The following ZNF680 variants were observed in gnomAD, a reference collection of about 807,000 sequenced individuals.
ZNF680 encodes zinc finger protein 680.
ZNF680 carries 6 observed loss-of-function variants against 12.1 expected under a neutral mutation model. That is an observed-to-expected ratio of 0.49 (90% CI 0.27 to 0.98). The LOEUF (loss-of-function observed/expected upper bound fraction) is 0.98. Among genes scored for constraint, ZNF680 ranks in the 50% least tolerant of loss-of-function variants. The pLI, the probability that ZNF680 is intolerant of heterozygous loss-of-function variation, is 0.12. For missense variants in ZNF680, 561 were observed against 616.3 expected (o/e 0.91, Z 0.95); for synonymous variants, 170 against 199.3 (o/e 0.85, Z 1.24).
At chr7:64,527,035 C>T (rs1468275326) in intron 3 of ZNF680, among the ~76,000 whole-genome samples, 1 of 152,196 alleles carries the variant, frequency 6.6e-6, no homozygotes, top group Non-Finnish European at 1.5e-5. Flanking sequence ...GTCGGGAGTT[C>T]GAGGCCATCC....
rs1458079877 is a variant in ZNF680 at position 64,554,819 on chromosome 7, TAATCTC to T, written c.30+8100_30+8105del. On this transcript the variant is annotated intron_variant, in intron 1 of 3. Transcript: ENST00000309683. ...CTCGTTAAGAGTCATCACCACTCCCTAATCTCAAGTACCCAGGGACACAAACACTGC... is the reference window on the plus strand; with the variant it reads ...CTCGTTAAGAGTCATCACCACTCCCTAAGTACCCAGGGACACAAACACTGC... Among the ~76,000 whole-genome samples the T allele has an allele frequency of 5.9e-5, 9 of 152,228 alleles. No homozygotes were observed. In the East Asian group the frequency reaches 1.7e-3, roughly 29 times the overall value.
At chr7:64,516,440 G>C (rs987892954), downstream of ZNF680, among the ~76,000 whole-genome samples, 2 of 152,214 alleles carry the variant, frequency 1.3e-5, no homozygotes, top group Admixed American at 6.5e-5. Context: ...AATGGAAAAT[G>C]GGGCTTTATA....
the ZNF680 span, among the ~76,000 whole-genome samples, chr7:64,504,701 G>C: frequency 2.6e-5 from 4 of 152,138 alleles, no homozygotes; most frequent in Admixed American, 2.6e-4. Context: ...CAAAGACACA[G>C]AAAAAGGTGC....
chr7:64,507,880 T>C, the ZNF680 span, among the ~76,000 whole-genome samples: 626 of 144,060 alleles, frequency 4.3e-3, 3 homozygotes, highest in African/African-American at 0.016. Context: ...CACACACACA[T>C]TTTTTTATTT....
intron 3 of ZNF680, among the ~76,000 whole-genome samples, chr7:64,541,985 C>T (rs1009590780): frequency 7.2e-5 from 11 of 152,208 alleles, no homozygotes; most frequent in African/African-American, 2.4e-4. Flanking sequence ...CATACTCATC[C>T]ACATTCTGAT....
At chr7:64,561,786 T>C (rs1175276727) in intron 1 of ZNF680, among the ~76,000 whole-genome samples, 1 of 149,094 alleles carries the variant, frequency 6.7e-6, no homozygotes, top group African/African-American at 2.5e-5. Flanking sequence ...TACAAAAAAA[T>C]TAGCCAGGCG....
At chr7:64,544,217 G>T in intron 2 of ZNF680, 89 bp downstream of exon 2, 1 of 1,501,982 alleles carries the variant, frequency 6.7e-7, no homozygotes, top group Non-Finnish European at 8.9e-7. Flanking sequence ...ACTCATTTAT[G>T]CAAAGCACAA....
chr7:64,529,099 G>A (rs942073740), intron 3 of ZNF680, among the ~76,000 whole-genome samples: 1 of 152,172 alleles, frequency 6.6e-6, no homozygotes, highest in African/African-American at 2.4e-5. Context: ...TCGGCTCTCA[G>A]GAAGCCACAT....
At chr7:64,505,772 C>CTTT in the ZNF680 span, among the ~76,000 whole-genome samples, 36 of 137,680 alleles carry the variant, frequency 2.6e-4, no homozygotes, top group Admixed American at 2.6e-3. Context: ...AAATTAGACT[C>CTTT]CTTTTTTTTT....
intron 3 of ZNF680, among the ~76,000 whole-genome samples, chr7:64,541,966 A>G (rs1303088493): frequency 1.3e-5 from 2 of 152,222 alleles, no homozygotes; most frequent in African/African-American, 4.8e-5. Context: ...TTTGATACTC[A>G]GTGAAAGCCA....
rs1319577255 is a variant in ZNF680 at position 64,563,026 on chromosome 7, CAG to C, written c.-74_-73del. On this transcript the variant is annotated 5_prime_UTR_variant, in exon 1 of 4. Coordinates refer to ENST00000309683, the MANE Select transcript of ZNF680 (RefSeq NM_178558.5). ...GCTGGGCCTCTAGGAGCAGAATACA[CAG>C]AGCAGTAAAGACTAGACCTGGAGCT... 4.6e-5 allele frequency: 73 copies of C among 1,577,930 alleles called. 1 individual carries two copies. The Admixed American group carries it at 1.0e-3, about 22-fold the overall frequency.
intron 1 of ZNF680, chr7:64,560,833 C>T (rs556844829): frequency 2.2e-4 from 34 of 151,388 alleles, no homozygotes; most frequent in African/African-American, 7.5e-4. Context: ...ATTACCCAGC[C>T]GTAAAAAAAC....
In ZNF680 at chr7:64,521,568, G is replaced by A. The variant is rs1461218810; in HGVS notation, c.1186C>T (p.His396Tyr). The change falls in exon 4 of 4, where the codon CAT (histidine) becomes TAT (tyrosine). Residue 396 changes from histidine to tyrosine, a missense_variant. His to Tyr is a moderately conservative substitution (Grantham distance 83). Coordinates refer to ENST00000309683, the MANE Select transcript of ZNF680 (RefSeq NM_178558.5). ...TTCTCTCCAGTATGAATTCTCATAT[G>A]TTCAGTAAGGTTTGAGGACTGTATA... ...AFIQSSNLTE[H>Y]MRIHTGEKPY... 18 of 1,612,790 alleles carry A rather than the reference G, an allele frequency of 1.1e-5. No individual in the cohort carries two copies. Among genetic ancestry groups the A allele is most frequent in the Non-Finnish European group, 1.5e-5 (18 of 1,179,748 alleles).
At chr7:64,526,099 T>C (rs752674708) in intron 3 of ZNF680, 31 of 939,600 alleles carry the variant, frequency 3.3e-5, no homozygotes, top group Non-Finnish European at 3.8e-5. Flanking sequence ...AACAAAAATA[T>C]AAAATTCCAA....
the ZNF680 span, among the ~76,000 whole-genome samples, chr7:64,504,684 A>G: frequency 6.6e-6 from 1 of 152,208 alleles, no homozygotes; most frequent in Non-Finnish European, 1.5e-5. Flanking sequence ...AAAAACTGGT[A>G]TCTCTGCAAA....
the ZNF680 span, among the ~76,000 whole-genome samples, chr7:64,503,586 G>A: frequency 2.6e-5 from 4 of 151,992 alleles, no homozygotes; most frequent in African/African-American, 9.7e-5. Context: ...TCACCATGTT[G>A]GTCAGGCTGG....
At chr7:64,512,629 T>A in the ZNF680 span, among the ~76,000 whole-genome samples, 5 of 152,096 alleles carry the variant, frequency 3.3e-5, no homozygotes, top group Non-Finnish European at 5.9e-5. Context: ...ATTTTTCTCA[T>A]AAAATCCCTA....
rs143412353 is a variant in ZNF680, at chr7:64,562,067, A to C, written c.30+858T>G. 0.031 allele frequency among the ~76,000 whole-genome samples: 4,641 copies of C among 150,660 alleles called. 357 individuals carry two copies. In the East Asian group the frequency reaches 0.32, roughly 11 times the overall value. ...GTCCAACATGGTGAAACCCGTCTCTACTAAAAATACAAAAATTAGCCGGGC... is the reference window on the plus strand; with the variant it reads ...GTCCAACATGGTGAAACCCGTCTCTCCTAAAAATACAAAAATTAGCCGGGC... On this transcript the variant is annotated intron_variant, in intron 1 of 3. Coordinates refer to ENST00000309683, the MANE Select transcript of ZNF680 (RefSeq NM_178558.5).
At chr7:64,542,245 A>G (rs944293652) in intron 3 of ZNF680, among the ~76,000 whole-genome samples, 3 of 152,128 alleles carry the variant, frequency 2.0e-5, no homozygotes, top group Admixed American at 2.0e-4. Context: ...AAAAATCTTT[A>G]CCTTCTAAAC....
Sources: gnomAD v4.1 joint callset for allele counts (sites outside exome capture counted in the v4.1 genomes callset) on GRCh38, gnomAD v4.1.1 for gene constraint, MANE v1.5 for transcripts, NCBI Gene and HGNC (gene_info 2026-07-23, HGNC 2026-07-21) for gene names.